TTBK2: variants seen among roughly 807,000 people sequenced by gnomAD.
The protein encoded by TTBK2 is tau-tubulin kinase 2.
A neutral mutation model predicts 110.8 loss-of-function variants in TTBK2; 28 were observed. The ratio of observed to expected loss-of-function variants is 0.25; its 90% CI spans 0.19 to 0.35. The LOEUF (loss-of-function observed/expected upper bound fraction) is 0.35, where lower values mean the gene tolerates loss of function less well. TTBK2 is among the 10% of genes least tolerant of loss of function. TTBK2 has a pLI of 1.00. For missense variants in TTBK2, 1,369 were observed against 1,500.3 expected (o/e 0.91, Z 1.45); for synonymous variants, 532 against 527.3 (o/e 1.01, Z -0.12).
chr15:42,745,985 G>T lies in TTBK2; in HGVS notation c.3545C>A (p.Ser1182Tyr), dbSNP rs1443704214. ...TGACTTGCTTCTCCCCAGATGTGGG[G>T]ACGAACTCCTCTGGTCATGGTGGGG... ...GRPHHDQRSSSPHLGRSKSPP... is the reference protein window; with the variant it reads ...GRPHHDQRSSYPHLGRSKSPP... Residue 1182 changes from serine to tyrosine, a missense_variant, in exon 15 of 15, where the codon TCC (serine) becomes TAC (tyrosine). By Grantham distance (144) the Ser-to-Tyr change is moderately radical. Coordinates refer to ENST00000267890, the MANE Select transcript of TTBK2 (RefSeq NM_173500.4). 4 of 1,614,172 alleles carry T rather than the reference G, an allele frequency of 2.5e-6. No individual in the cohort carries two copies. The highest frequency in any genetic ancestry group is 3.4e-6 in the Non-Finnish European group (4 of 1,180,026).
chr15:42,800,564 G>C (rs1022819821), intron 9 of TTBK2, among the ~76,000 whole-genome samples: 7 of 152,180 alleles, frequency 4.6e-5, no homozygotes, highest in African/African-American at 1.7e-4. Context: ...TGAATTCTCA[G>C]TTAATAAATG....
intron 9 of TTBK2, chr15:42,801,690 T>C: frequency 1.1e-6 from 1 of 892,852 alleles, no homozygotes; most frequent in Non-Finnish European, 1.9e-6. Context: ...ACCACAGATG[T>C]ATCCGAGATC....
chr15:42,752,929 G>C lies in TTBK2; in HGVS notation c.2317C>G (p.Leu773Val). 6.2e-7 allele frequency: 1 copy of C among 1,614,196 alleles called. No homozygotes were observed. The highest frequency in any genetic ancestry group is 8.5e-7 in the Non-Finnish European group (1 of 1,180,032). ...CTTTTCTCTTCAGTTTCCCCAGGGA[G>C]ATTTTCAAATTCTCTCACAACCAGT... is the stretch of plus-strand genomic sequence containing the variant. ...NRLVVREFEN[L>V]PGETEEKSIL... Residue 773 changes from leucine to valine, a missense_variant, in exon 14 of 15, where the codon CTC becomes GTC. Transcript: ENST00000267890.
At chr15:42,911,061 G>A (rs1055331996) in intron 1 of TTBK2, among the ~76,000 whole-genome samples, 3 of 149,828 alleles carry the variant, frequency 2.0e-5, no homozygotes, top group Middle Eastern at 3.4e-3. Flanking sequence ...AAAAAAAAAC[G>A]GTGAAAAAAT....
At chr15:42,815,958 A>AAAAAAAAAATATATAT (rs71108183) in intron 7 of TTBK2, among the ~76,000 whole-genome samples, 14 of 91,694 alleles carry the variant, frequency 1.5e-4, no homozygotes, top group African/African-American at 6.2e-4. Flanking sequence ...TTAAAAAAAA[A>AAAAAAAAAATATATAT]ATATATATAT....
rs2061775012 is a variant in TTBK2 at position 42,745,163 on chromosome 15, G to A, written c.*632C>T. The A allele has an allele frequency of 6.5e-6, 1 of 154,626 alleles. No homozygotes were observed. Among genetic ancestry groups the A allele is most frequent in the African/African-American group, 2.4e-5 (1 of 41,228 alleles). The allele number at this position is 154,626 out of a possible 1,614,324, so 9.6% of individuals were successfully genotyped here. Reference sequence around the variant, plus strand: ...TAATTGGATTTGATAGTACAACTAGGACCATAAAATAAAAGCAGAGAGATT... The same window carrying A: ...TAATTGGATTTGATAGTACAACTAGAACCATAAAATAAAAGCAGAGAGATT... On this transcript the variant is annotated 3_prime_UTR_variant, in exon 15 of 15. Coordinates refer to ENST00000267890, the MANE Select transcript of TTBK2 (RefSeq NM_173500.4).
chr15:42,759,562 C>T lies in TTBK2; in HGVS notation c.1999-6315G>A, dbSNP rs551108061. 2.0e-5 allele frequency among the ~76,000 whole-genome samples: 3 copies of T among 152,350 alleles called. No individual in the cohort carries two copies. In the South Asian group the frequency reaches 6.2e-4, roughly 32 times the overall value. On this transcript the variant is annotated intron_variant, in intron 13 of 14. Transcript: ENST00000267890. ...ACTTGTCTGCACATGCAGACCCTGA[C>T]CTGAGAAGCAGCCTGGTGAGACCAT...
intron 8 of TTBK2, 102 bp downstream of exon 8, chr15:42,811,586 G>T: frequency 1.1e-6 from 1 of 881,192 alleles, no homozygotes; most frequent in Non-Finnish European, 1.8e-6. Context: ...AATGCTTGTA[G>T]ATTTTAAGTC....
At chr15:42,872,485 T>C in intron 3 of TTBK2, 126 bp downstream of exon 3, 1 of 1,131,612 alleles carries the variant, frequency 8.8e-7, no homozygotes, top group South Asian at 1.4e-5. Context: ...GCTCAGCGTA[T>C]TTATACCCGG....
intron 6 of TTBK2, among the ~76,000 whole-genome samples, chr15:42,818,738 A>C (rs973990696): frequency 6.6e-6 from 1 of 151,340 alleles, no homozygotes; most frequent in African/African-American, 2.4e-5. Context: ...AACAAACAAA[A>C]AATCTGAAAT....
At chr15:42,916,704 T>C in intron 1 of TTBK2, among the ~76,000 whole-genome samples, 1 of 152,252 alleles carries the variant, frequency 6.6e-6, no homozygotes, top group Non-Finnish European at 1.5e-5. Flanking sequence ...TAAAAAGACT[T>C]TACAAACTTC....
At position 42,775,168 on chromosome 15, in the gene TTBK2, T is replaced by G; in HGVS notation, c.1965A>C (p.Leu655=). Residue 655 remains leucine, a synonymous_variant, in exon 13 of 15, where the codon CTA becomes CTC. Coordinates refer to ENST00000267890, the MANE Select transcript of TTBK2 (RefSeq NM_173500.4). ...SQFIAATPTS[L]MEAQAEGPLT... The stretch of plus-strand genomic sequence containing the variant: ...GGGGTCCTTCTGCCTGCGCCTCCAT[T>G]AGACTTGTGGGCGTCGCTGCAATAA... 1 of 1,614,056 alleles carries G rather than the reference T, an allele frequency of 6.2e-7. No homozygotes were observed. Among genetic ancestry groups the G allele is most frequent in the Non-Finnish European group, 8.5e-7 (1 of 1,180,000 alleles).
chr15:42,832,732 G>A (rs1448113162), intron 4 of TTBK2, among the ~76,000 whole-genome samples: 2 of 152,010 alleles, frequency 1.3e-5, no homozygotes, highest in African/African-American at 2.4e-5. Context: ...ATCCTGCTCC[G>A]TCAGGCCCAG....
intron 13 of TTBK2, among the ~76,000 whole-genome samples, chr15:42,757,745 T>C (rs2061967457): frequency 6.6e-6 from 1 of 152,244 alleles, no homozygotes; most frequent in Admixed American, 6.5e-5. Flanking sequence ...GTAAGCCATA[T>C]GCATCTTTTA....
intron 3 of TTBK2, among the ~76,000 whole-genome samples, chr15:42,858,082 AAAC>A (rs146437594): frequency 0.048 from 7,211 of 151,666 alleles, 565 homozygotes; most frequent in African/African-American, 0.16. Flanking sequence ...AAAAAACCCA[AAAC>A]AACAACAACA....
At chr15:42,919,279 TATTTA>T (rs1187916639) in intron 1 of TTBK2, among the ~76,000 whole-genome samples, 1 of 41,708 alleles carries the variant, frequency 2.4e-5, no homozygotes, top group African/African-American at 6.6e-5. Flanking sequence ...ACTGCTTCTT[TATTTA>T]AAAAAAAAAA....
At chr15:42,892,993 A>G (rs1439509170) in intron 1 of TTBK2, among the ~76,000 whole-genome samples, 1 of 149,190 alleles carries the variant, frequency 6.7e-6, no homozygotes, top group East Asian at 1.9e-4. Flanking sequence ...CCTGGGTGAC[A>G]GAGCAAGACT....
rs184167929 is a variant in TTBK2 at position 42,775,311 on chromosome 15, G to T, written c.1822C>A (p.His608Asn). ...LQLGPWAENDHLKKETSGVVL... is the reference protein window; with the variant it reads ...LQLGPWAENDNLKKETSGVVL... ...ACACCTGAGGTTTCCTTCTTTAAAT[G>T]ATCATTTTCTGCCCAAGGACCTAAC... Residue 608 changes from histidine to asparagine, a missense_variant, in exon 13 of 15, where the codon CAT (histidine) becomes AAT (asparagine). By Grantham distance (68) the His-to-Asn change is moderately conservative. Transcript: ENST00000267890. 4 of 1,614,164 alleles carry T rather than the reference G, an allele frequency of 2.5e-6. No individual in the cohort carries two copies. Among genetic ancestry groups the T allele is most frequent in the Middle Eastern group, 3.3e-4 (2 of 6,062 alleles).
chr15:42,777,239 C>T lies in TTBK2; in HGVS notation c.1201G>A (p.Ala401Thr). ...CCATGGCTGTTCTCCTCTTCAGTAGCAGCCTATCCAAAATATAAAATAAAA... is the reference window on the plus strand; with the variant it reads ...CCATGGCTGTTCTCCTCTTCAGTAGTAGCCTATCCAAAATATAAAATAAAA... ...NKIKLGICKA[A>T]TEEENSHGQA... Residue 401 changes from alanine to threonine, a missense_variant, in exon 12 of 15, where the codon GCT (alanine) becomes ACT (threonine). By Grantham distance (58) the Ala-to-Thr change is moderately conservative. Around this residue, in one of 4 missense-constraint regions of TTBK2, gnomAD observed 1,097 missense variants for 1,114.7 expected, o/e 0.98. Transcript: ENST00000267890. 1 of 1,614,100 alleles carries T rather than the reference C, an allele frequency of 6.2e-7. No individual in the cohort carries two copies.
Sources: allele counts gnomAD v4.1 joint callset (sites outside exome capture counted in the v4.1 genomes callset), GRCh38; gene constraint gnomAD v4.1.1; regional missense constraint gnomAD v4.1.1; transcripts MANE v1.5; gene names NCBI Gene and HGNC (gene_info 2026-07-23, HGNC 2026-07-21).